Variants in DOCK3 observed in about 807,000 individuals in gnomAD.
DOCK3 encodes dedicator of cytokinesis protein 3.
DOCK3 carries 60 observed loss-of-function variants against 265.6 expected under a neutral mutation model. That is an observed-to-expected ratio of 0.23 (90% CI 0.18 to 0.28). The LOEUF is 0.28. Among genes scored for constraint, DOCK3 ranks in the 10% least tolerant of loss-of-function variants. The pLI, the probability that DOCK3 is intolerant of heterozygous loss-of-function variation, is 1.00. For synonymous variants in DOCK3, 881 were observed against 938.0 expected, an observed-to-expected ratio of 0.94 and a Z score of 1.11; for missense variants, 1,981 against 2,594.3, an observed-to-expected ratio of 0.76 and a Z score of 5.14.
At chr3:51,331,023 T>C (rs752160316) in intron 33 of DOCK3, among the ~76,000 whole-genome samples, 7 of 152,222 alleles carry the variant, frequency 4.6e-5, no homozygotes, top group Non-Finnish European at 8.8e-5. Context: ...GTGTGCAAAA[T>C]GTATTGGCAT....
chr3:51,049,892 A>T (rs769255208), intron 5 of DOCK3, among the ~76,000 whole-genome samples: 3 of 151,882 alleles, frequency 2.0e-5, no homozygotes, highest in Non-Finnish European at 4.4e-5. Context: ...GAAAATCAAC[A>T]CACAAATATC....
At chr3:51,250,790 A>T (rs757972175) in intron 22 of DOCK3, among the ~76,000 whole-genome samples, 19 of 152,120 alleles carry the variant, frequency 1.2e-4, no homozygotes, top group Non-Finnish European at 2.6e-4. Flanking sequence ...GGGAGTGAGC[A>T]CTCCAGACTG....
chr3:51,055,267 G>A (rs1220364090), intron 5 of DOCK3, among the ~76,000 whole-genome samples: 1 of 152,148 alleles, frequency 6.6e-6, no homozygotes, highest in South Asian at 2.1e-4. Flanking sequence ...GAAAGGGTTG[G>A]GGGTAAAGGG....
intron 9 of DOCK3, among the ~76,000 whole-genome samples, chr3:51,113,664 C>G (rs911503166): frequency 1.3e-5 from 2 of 152,154 alleles, no homozygotes; most frequent in Non-Finnish European, 2.9e-5. Context: ...CATCAGTGAT[C>G]TAATATACCT....
At chr3:51,198,728 A>G (rs1452249382) in intron 12 of DOCK3, among the ~76,000 whole-genome samples, 1 of 152,194 alleles carries the variant, frequency 6.6e-6, no homozygotes, top group East Asian at 1.9e-4. Context: ...TAGCTTTAGA[A>G]GGTGCACATC....
At chr3:50,979,961 T>A (rs1007128399) in intron 5 of DOCK3, among the ~76,000 whole-genome samples, 1 of 152,236 alleles carries the variant, frequency 6.6e-6, no homozygotes, top group African/African-American at 2.4e-5. Context: ...TTCTCTTGCC[T>A]GATTACTCTA....
Position 51,202,786 on chromosome 3 carries a change from C to T in DOCK3, c.1038-5988C>T, listed in dbSNP as rs371129886. ...AATCCTCAATAAAATACTGGCAAAC[C>T]GAATCCAGCAGCACATCAAAAAGCT... On this transcript the variant is annotated intron_variant, in intron 12 of 52. Transcript: ENST00000266037. Among the ~76,000 whole-genome samples, 12 of 151,608 alleles carry T rather than the reference C, an allele frequency of 7.9e-5. 1 individual carries two copies. In the South Asian group the frequency reaches 1.0e-3, roughly 13 times the overall value.
intron 5 of DOCK3, among the ~76,000 whole-genome samples, chr3:50,986,561 G>A (rs1202531574): frequency 6.6e-6 from 1 of 152,066 alleles, no homozygotes; most frequent in Non-Finnish European, 1.5e-5. Flanking sequence ...GAATAGCTTT[G>A]GAAATTTCAA....
chr3:51,021,397 ATCCT>A (rs1490986565), intron 5 of DOCK3, among the ~76,000 whole-genome samples: 1 of 152,210 alleles, frequency 6.6e-6, no homozygotes, highest in African/African-American at 2.4e-5. Flanking sequence ...CTCAGTGGAA[ATCCT>A]ATTTATATAT....
At chr3:50,906,712 C>A (rs1278653496) in intron 4 of DOCK3, among the ~76,000 whole-genome samples, 55 of 151,966 alleles carry the variant, frequency 3.6e-4, no homozygotes, top group Non-Finnish European at 7.4e-4. Flanking sequence ...CAGCTCCTGG[C>A]TTCATTGATT....
chr3:50,675,786 T>C lies in DOCK3; in HGVS notation c.37+486T>C, dbSNP rs527356368. 6.6e-6 allele frequency among the ~76,000 whole-genome samples: 1 copy of C among 152,356 alleles called. No homozygotes were observed. Among genetic ancestry groups the C allele is most frequent in the African/African-American group, 2.4e-5 (1 of 41,586 alleles). ...CAGTTCAAAAATTTGGACATTTGAC[T>C]GCAAATGTTTGATCTGTTTTAATTT... is the stretch of plus-strand genomic sequence containing the variant. On this transcript the variant is annotated intron_variant, in intron 1 of 52. Coordinates refer to ENST00000266037, the MANE Select transcript of DOCK3 (RefSeq NM_004947.5). The surrounding 1 kb of genome is among the most constrained non-coding windows in gnomAD (Gnocchi z 6.1).
At chr3:50,843,139 C>T (rs1424163114) in intron 3 of DOCK3, among the ~76,000 whole-genome samples, 3 of 152,166 alleles carry the variant, frequency 2.0e-5, no homozygotes, top group Non-Finnish European at 4.4e-5. Flanking sequence ...TCTTCCTACA[C>T]AATGAAGTAC....
intron 3 of DOCK3, chr3:50,877,393 A>G (rs2047757847): frequency 1.9e-6 from 1 of 518,506 alleles, no homozygotes; most frequent in Non-Finnish European, 3.9e-6. Context: ...GTCAGGGTCA[A>G]GATTATAGCT....
chr3:51,136,117 A>G (rs911727556), intron 9 of DOCK3, among the ~76,000 whole-genome samples: 3 of 151,892 alleles, frequency 2.0e-5, no homozygotes, highest in Non-Finnish European at 2.9e-5. Context: ...CTTTTTCTTC[A>G]TCTCTAATTA....
chr3:50,879,164 C>T (rs1332672875), intron 3 of DOCK3, among the ~76,000 whole-genome samples: 1 of 152,218 alleles, frequency 6.6e-6, no homozygotes, highest in Non-Finnish European at 1.5e-5. Flanking sequence ...GTACTAGCCA[C>T]TGCAAAAACA....
chr3:50,850,717 G>C (rs2046318464), intron 3 of DOCK3, among the ~76,000 whole-genome samples: 1 of 151,978 alleles, frequency 6.6e-6, no homozygotes, highest in African/African-American at 2.4e-5. Context: ...TTCTCCTCAG[G>C]ATGTGCAATA....
At chr3:51,182,545 T>G (rs2087362103) in intron 12 of DOCK3, among the ~76,000 whole-genome samples, 1 of 152,242 alleles carries the variant, frequency 6.6e-6, no homozygotes, top group Non-Finnish European at 1.5e-5. Context: ...TGCCTCTAGC[T>G]GCTGCTTTTC....
intron 4 of DOCK3, among the ~76,000 whole-genome samples, chr3:50,918,935 G>A (rs569743081): frequency 5.9e-5 from 9 of 152,088 alleles, no homozygotes; most frequent in South Asian, 2.1e-4. Context: ...ATTAATTTTC[G>A]TATAAAGTGT....
chr3:51,196,865 T>A (rs1363839372), intron 12 of DOCK3, among the ~76,000 whole-genome samples: 3 of 152,248 alleles, frequency 2.0e-5, no homozygotes, highest in Non-Finnish European at 2.9e-5. Flanking sequence ...TTCAAAAATT[T>A]CTTGGATTAA....
Sources: gnomAD v4.1 joint callset for allele counts (sites outside exome capture counted in the v4.1 genomes callset) on GRCh38, gnomAD v4.1.1 for gene constraint, Gnocchi (gnomAD v3.1) non-coding constraint, MANE v1.5 for transcripts, NCBI Gene and HGNC (gene_info 2026-07-23, HGNC 2026-07-21) for gene names.